Variants in BCAS3 observed in about 807,000 individuals in gnomAD.
BCAS3 encodes BCAS4/BCAS3 fusion.
Under a neutral mutation model 116.1 loss-of-function variants are expected in BCAS3, and 53 were observed. The ratio of observed to expected loss-of-function variants is 0.46; its 90% confidence interval spans 0.37 to 0.57. BCAS3 has a LOEUF of 0.57. Ranked by LOEUF, BCAS3 falls within the 20% of genes least tolerant of loss-of-function variation. The pLI, the probability that BCAS3 is intolerant of heterozygous loss-of-function variation, is 0.00. For missense variants in BCAS3, 917 were observed against 1,165.4 expected (o/e 0.79, Z 3.10); for synonymous variants, 391 against 408.2 (o/e 0.96, Z 0.51).
rs936095494 is a variant in BCAS3 at position 61,203,804 on chromosome 17, G to A, written c.2425+119240G>A. On this transcript the variant is annotated intron_variant, in intron 22 of 23. Coordinates refer to ENST00000407086, the MANE Select transcript of BCAS3 (RefSeq NM_017679.5). This position sits in a 1 kb window ranked among gnomAD's most constrained non-coding sequence, Gnocchi z 5.7. ...TCTGCAGAGAATGTTTTCAGTATAC[G>A]AGTGTCCTCTCCTTGGCACTCAGTT... Among the ~76,000 whole-genome samples, 3 of 151,940 alleles carry A rather than the reference G, an allele frequency of 2.0e-5. No homozygotes were observed. Among genetic ancestry groups the A allele is most frequent in the East Asian group, 1.9e-4 (1 of 5,162 alleles).
intron 22 of BCAS3, among the ~76,000 whole-genome samples, chr17:61,191,502 G>A (rs771388254): frequency 2.6e-4 from 39 of 152,202 alleles, no homozygotes; most frequent in Admixed American, 2.0e-3. Context: ...AAGGCCAGGC[G>A]CGGTGGCTCA....
rs2145449982 is a variant in BCAS3 at position 60,995,013 on chromosome 17, T to C, written c.1486+4778T>C. 6.6e-6 allele frequency among the ~76,000 whole-genome samples: 1 copy of C among 152,356 alleles called. No individual in the cohort carries two copies. The highest frequency in any genetic ancestry group is 6.5e-5 in the Admixed American group (1 of 15,314). On this transcript the variant is annotated intron_variant, in intron 15 of 23. Transcript: ENST00000407086. This position sits in a 1 kb window ranked among gnomAD's most constrained non-coding sequence, Gnocchi z 4.7. ...ATTTTTTTGAGACGGGGTCTCGCTC[T>C]GTCACCCAGGCTGGAGTGCAGTGGC...
At position 60,808,042 on chromosome 17, in the gene BCAS3, C is replaced by T. The variant is rs868267948; in HGVS notation, c.442C>T (p.Leu148Phe). ...TGATAACTTTGCTGAAAAAAGACCC[C>T]TCCTTGGTGTTTGTAAGAGCATTGG... ...KCDNFAEKRPLLGVCKSIGSS... is the reference protein window; with the variant it reads ...KCDNFAEKRPFLGVCKSIGSS... The change falls in exon 7 of 24, where the codon CTC becomes TTC. Residue 148 changes from leucine (L) to phenylalanine (F), a missense_variant. Physicochemically the swap from Leu to Phe is conservative, Grantham distance 22. Transcript: ENST00000407086. 7 of 1,609,472 alleles carry T rather than the reference C, an allele frequency of 4.3e-6. No homozygotes were observed. In the Middle Eastern group the frequency reaches 1.2e-3, roughly 266 times the overall value.
At chr17:60,911,148 A>T (rs1434387834) in intron 12 of BCAS3, among the ~76,000 whole-genome samples, 1 of 6,130 alleles carries the variant, frequency 1.6e-4, no homozygotes, top group Non-Finnish European at 4.2e-4. Flanking sequence ...TTTGAGATGG[A>T]GCATCACTCT....
intron 22 of BCAS3, among the ~76,000 whole-genome samples, chr17:61,201,185 T>C (rs547991709): frequency 1.1e-4 from 17 of 152,362 alleles, no homozygotes; most frequent in Non-Finnish European, 5.9e-5. Context: ...CTACCTGGCA[T>C]TCGCAGGTAT....
chr17:60,764,385 T>G (rs1341978289), intron 6 of BCAS3, among the ~76,000 whole-genome samples: 1 of 152,154 alleles, frequency 6.6e-6, no homozygotes. Flanking sequence ...CAGAGATTCT[T>G]GTATGTTGTG....
At chr17:60,687,970 A>G (rs1200309412) in intron 3 of BCAS3, 4 of 152,246 alleles carry the variant, frequency 2.6e-5, no homozygotes, top group Non-Finnish European at 4.4e-5. Context: ...AAGAATCCCA[A>G]TACACTGAAA....
At position 61,029,456 on chromosome 17, in the gene BCAS3, A is replaced by G. The variant is rs1184288696; in HGVS notation, c.1638-5210A>G. 3.9e-5 allele frequency among the ~76,000 whole-genome samples: 6 copies of G among 152,014 alleles called. No individual in the cohort carries two copies. The highest frequency in any genetic ancestry group is 7.4e-5 in the Non-Finnish European group (5 of 67,912). On this transcript the variant is annotated intron_variant, in intron 16 of 23. Transcript: ENST00000407086. This position sits in a 1 kb window ranked among gnomAD's most constrained non-coding sequence, Gnocchi z 5.2. ...TTAGGATATTTGAGTTTGGATGACT[A>G]TATAAAATAATACAAAAGAATTACA... is the stretch of plus-strand genomic sequence containing the variant.
intron 14 of BCAS3, among the ~76,000 whole-genome samples, chr17:60,951,954 T>C (rs1348977158): frequency 6.6e-6 from 1 of 151,986 alleles, no homozygotes; most frequent in African/African-American, 2.4e-5. Flanking sequence ...GTATTTTTAG[T>C]AGAGACAGGG....
At chr17:61,025,773 A>G (rs1476015149) in intron 16 of BCAS3, among the ~76,000 whole-genome samples, 1 of 151,942 alleles carries the variant, frequency 6.6e-6, no homozygotes, top group African/African-American at 2.4e-5. Context: ...TCTTCTAGTT[A>G]TCTCTTGCGT....
At position 60,784,798 on chromosome 17, in the gene BCAS3, A is replaced by G. The variant is rs1016420092; in HGVS notation, c.404-23206A>G. On this transcript the variant is annotated intron_variant, in intron 6 of 23. Coordinates refer to ENST00000407086, the MANE Select transcript of BCAS3 (RefSeq NM_017679.5). ...AGTAACTCAGCAAGCAATATTTAGT[A>G]AATTAAATGTAGCTAGGCCAGGCGC... Among the ~76,000 whole-genome samples, 4 of 152,002 alleles carry G rather than the reference A, an allele frequency of 2.6e-5. No individual in the cohort carries two copies. The East Asian group carries it at 7.8e-4, about 30-fold the overall frequency.
At position 61,380,890 on chromosome 17, in the gene BCAS3, C is replaced by T. The variant is rs1250299713; in HGVS notation, c.2594-11087C>T. Among the ~76,000 whole-genome samples, 1 of 152,212 alleles carries T rather than the reference C, an allele frequency of 6.6e-6. No homozygotes were observed. The highest frequency in any genetic ancestry group is 1.9e-4 in the East Asian group (1 of 5,194). On this transcript the variant is annotated intron_variant, in intron 23 of 23. Transcript: ENST00000407086. This position sits in a 1 kb window ranked among gnomAD's most constrained non-coding sequence, Gnocchi z 4.2. ...TCTAATGCATTTACCATTGACTGCC[C>T]CTCTTGTAGTGCGTCTATTAGTGAG...
rs549441814 is a variant in BCAS3 at position 61,037,489 on chromosome 17, C to T, written c.1763-400C>T. ...AAGCACCATATGAAAAAATTCCTGT[C>T]GTCTGAGCATGGTGGCTCACGCCTT... On this transcript the variant is annotated intron_variant, in intron 17 of 23. Coordinates refer to ENST00000407086, the MANE Select transcript of BCAS3 (RefSeq NM_017679.5). The surrounding 1 kb of genome is among the most constrained non-coding windows in gnomAD (Gnocchi z 4.7). 7.6e-4 allele frequency among the ~76,000 whole-genome samples: 115 copies of T among 152,258 alleles called. No individual in the cohort carries two copies. The highest frequency in any genetic ancestry group is 2.6e-3 in the African/African-American group (107 of 41,560).
At position 60,995,609 on chromosome 17, in the gene BCAS3, C is replaced by T. The variant is rs915923202; in HGVS notation, c.1486+5374C>T. ...CACCGCGCCCGACCAGTTTCTAAGG[C>T]TTTAAACCAGAGTTTTAAAACATCT... On this transcript the variant is annotated intron_variant, in intron 15 of 23. Transcript: ENST00000407086. The surrounding 1 kb of genome is among the most constrained non-coding windows in gnomAD (Gnocchi z 4.7). Among the ~76,000 whole-genome samples the T allele has an allele frequency of 6.6e-6, 1 of 152,120 alleles. No homozygotes were observed. Among genetic ancestry groups the T allele is most frequent in the Non-Finnish European group, 1.5e-5 (1 of 68,016 alleles).
rs1325091154 is a variant in BCAS3 at position 60,689,746 on chromosome 17, A to G, written c.199A>G (p.Asn67Asp). The G allele has an allele frequency of 1.2e-6, 2 of 1,604,892 alleles. No homozygotes were observed. Among genetic ancestry groups the G allele is most frequent in the Non-Finnish European group, 8.5e-7 (1 of 1,172,252 alleles). ...KEKIVWVRFE[N>D]ADLNDTSRNL... ...GAAAATAGTCTGGGTCAGATTTGAAAATGCAGATTTAAATGGTATGGTTTT... is the reference window on the plus strand; with the variant it reads ...GAAAATAGTCTGGGTCAGATTTGAAGATGCAGATTTAAATGGTATGGTTTT... The change falls in exon 4 of 24, where the codon AAT becomes GAT. Residue 67 changes from asparagine to aspartate, a missense_variant. Transcript: ENST00000407086.
In BCAS3 at chr17:61,095,496, C is replaced by T. The variant is rs2073909354; in HGVS notation, c.2425+10932C>T. Among the ~76,000 whole-genome samples, 1 of 151,718 alleles carries T rather than the reference C, an allele frequency of 6.6e-6. No individual in the cohort carries two copies. Among genetic ancestry groups the T allele is most frequent in the African/African-American group, 2.4e-5 (1 of 41,292 alleles). ...CGTTTGTTTGTTTTTTTGAGACAAC[C>T]TCACTTTGTCATCCAGGTTGGAGTG... is the stretch of plus-strand genomic sequence containing the variant. On this transcript the variant is annotated intron_variant, in intron 22 of 23. Coordinates refer to ENST00000407086, the MANE Select transcript of BCAS3 (RefSeq NM_017679.5). The surrounding 1 kb of genome is among the most constrained non-coding windows in gnomAD (Gnocchi z 4.7).
intron 6 of BCAS3, among the ~76,000 whole-genome samples, chr17:60,781,256 C>T (rs1022739194): frequency 2.0e-5 from 3 of 151,786 alleles, no homozygotes; most frequent in East Asian, 3.9e-4. Context: ...AGGTGTGAGC[C>T]GCTACGCCCA....
Position 60,981,303 on chromosome 17 carries a change from A to G in BCAS3, c.1222-8668A>G, listed in dbSNP as rs1437260846. ...GTGTATTTTTTTTTTTTCTTGAGACAGGGTCTCGCTCTGTCACCCAGGCTG... is the reference window on the plus strand; with the variant it reads ...GTGTATTTTTTTTTTTTCTTGAGACGGGGTCTCGCTCTGTCACCCAGGCTG... On this transcript the variant is annotated intron_variant, in intron 14 of 23. Transcript: ENST00000407086. Among the ~76,000 whole-genome samples, 5 of 151,354 alleles carry G rather than the reference A, an allele frequency of 3.3e-5. No homozygotes were observed. The East Asian group carries it at 5.8e-4, about 18-fold the overall frequency.
At chr17:61,058,329 A>G (rs1344180614) in intron 19 of BCAS3, among the ~76,000 whole-genome samples, 3 of 152,198 alleles carry the variant, frequency 2.0e-5, no homozygotes, top group Non-Finnish European at 4.4e-5. Context: ...CCTTTATGCC[A>G]TCAGTTTCTT....
Sources: gnomAD v4.1 joint callset for allele counts (sites outside exome capture counted in the v4.1 genomes callset) on GRCh38, gnomAD v4.1.1 for gene constraint, Gnocchi (gnomAD v3.1) non-coding constraint, MANE v1.5 for transcripts, NCBI Gene and HGNC (gene_info 2026-07-23, HGNC 2026-07-21) for gene names.